ALOX5: variants seen among roughly 807,000 people sequenced by gnomAD.
ALOX5 encodes polyunsaturated fatty acid 5-lipoxygenase.
ALOX5 carries 64 observed loss-of-function variants against 87.9 expected under a neutral mutation model. The observed-to-expected ratio is 0.73, with a 90% CI of 0.60 to 0.90. The LOEUF (loss-of-function observed/expected upper bound fraction) is 0.90. ALOX5 is among the 40% of genes least tolerant of loss of function. The pLI is 0.00. For synonymous variants in ALOX5, 388 were observed against 355.1 expected (o/e 1.09, Z -1.04); for missense variants, 822 against 907.5 (o/e 0.91, Z 1.21).
intron 2 of ALOX5, among the ~76,000 whole-genome samples, chr10:45,388,777 C>CA (rs1416304343): frequency 6.6e-6 from 1 of 152,228 alleles, no homozygotes; most frequent in Non-Finnish European, 1.5e-5. Context: ...TTCTACAAAT[C>CA]AGAGTGCCTC....
In ALOX5 at chr10:45,443,253, C is replaced by A. The variant is rs527521483; in HGVS notation, c.1451+37C>A. 1.9e-6 allele frequency: 3 copies of A among 1,600,040 alleles called. No homozygotes were observed. In the South Asian group the frequency reaches 3.4e-5, roughly 18 times the overall value. On this transcript the variant is annotated intron_variant, in intron 10 of 13. Coordinates refer to ENST00000374391, the MANE Select transcript of ALOX5 (RefSeq NM_000698.5). ...CGGGGCGGTGGTCCTGGGGGAGGAG[C>A]CGGGACCCCTGCCTGACTACCTGGG...
intron 1 of ALOX5, among the ~76,000 whole-genome samples, chr10:45,379,313 A>G (rs1378145654): frequency 6.6e-6 from 1 of 151,958 alleles, no homozygotes; most frequent in Non-Finnish European, 1.5e-5. Flanking sequence ...GAGCCATAGG[A>G]AAGCTACTTC....
At chr10:45,382,026 A>C (rs1839848170) in intron 1 of ALOX5, among the ~76,000 whole-genome samples, 1 of 152,266 alleles carries the variant, frequency 6.6e-6, no homozygotes, top group Non-Finnish European at 1.5e-5. Context: ...TGTACGTGGC[A>C]TGGGAGCCCT....
intron 7 of ALOX5, among the ~76,000 whole-genome samples, chr10:45,435,000 C>A (rs1842018289): frequency 6.6e-6 from 1 of 152,128 alleles, no homozygotes; most frequent in African/African-American, 2.4e-5. Flanking sequence ...ACTTCCTTAC[C>A]CAAAAAACAA....
At chr10:45,390,035 G>A (rs899933575) in intron 2 of ALOX5, among the ~76,000 whole-genome samples, 3 of 152,180 alleles carry the variant, frequency 2.0e-5, no homozygotes, top group African/African-American at 7.2e-5. Flanking sequence ...GGCAGGGGTT[G>A]CAATCCTAGT....
chr10:45,392,101 G>A (rs544317328), intron 2 of ALOX5, among the ~76,000 whole-genome samples: 22 of 151,176 alleles, frequency 1.5e-4, no homozygotes, highest in Non-Finnish European at 2.4e-4. Context: ...TCAGCCCCCC[G>A]CCCGGCCAGC....
intron 7 of ALOX5, among the ~76,000 whole-genome samples, chr10:45,434,934 C>T (rs959946735): frequency 1.3e-5 from 2 of 152,248 alleles, no homozygotes; most frequent in Non-Finnish European, 2.9e-5. Context: ...CCTGTCATGA[C>T]TCAGATTTCT....
In ALOX5 at chr10:45,395,782, A is replaced by G. The variant is rs891528674; in HGVS notation, c.350-73A>G. On this transcript the variant is annotated intron_variant, in intron 2 of 13. Coordinates refer to ENST00000374391, the MANE Select transcript of ALOX5 (RefSeq NM_000698.5). ...CGGCATGGGCAGGGCATCTGAGGGAAGCCTGAACACTTGGCATTGGGCATT... is the reference window on the plus strand; with the variant it reads ...CGGCATGGGCAGGGCATCTGAGGGAGGCCTGAACACTTGGCATTGGGCATT... 5.8e-6 allele frequency: 8 copies of G among 1,378,588 alleles called. No individual in the cohort carries two copies. In the African/African-American group the frequency reaches 8.6e-5, roughly 15 times the overall value. 85.4% of individuals were successfully genotyped at this position (1,378,588 alleles called of 1,614,324 possible).
chr10:45,377,936 T>C (rs1386902094), intron 1 of ALOX5, among the ~76,000 whole-genome samples: 1 of 152,224 alleles, frequency 6.6e-6, no homozygotes. Context: ...ATCAGCAAAG[T>C]GGCCCCTTGT....
At chr10:45,440,328 G>T in intron 7 of ALOX5, 102 bp from the exon 8 acceptor site, 1 of 1,290,368 alleles carries the variant, frequency 7.7e-7, no homozygotes, top group South Asian at 1.4e-5. Flanking sequence ...CACTGTTAAA[G>T]AAATTCAGAT....
intron 13 of ALOX5, among the ~76,000 whole-genome samples, chr10:45,445,214 C>T (rs1842398440): frequency 6.6e-6 from 1 of 152,248 alleles, no homozygotes; most frequent in South Asian, 2.1e-4. Context: ...CAAACACCAG[C>T]AGCCCCCAGC....
chr10:45,444,662 A>G (rs142196592), intron 13 of ALOX5: 131 of 225,256 alleles, frequency 5.8e-4, no homozygotes, highest in Non-Finnish European at 1.0e-3. Flanking sequence ...TAACCTAACA[A>G]CTGAATCCGG....
chr10:45,428,490 C>G, intron 6 of ALOX5, 128 bp from the exon 7 acceptor site: 1 of 1,192,762 alleles, frequency 8.4e-7, no homozygotes. Context: ...GAGAGAAGTA[C>G]ACATTCTGAG....
rs1840395830 is a variant in ALOX5, at chr10:45,393,853, CA to C, written c.350-2000del. The stretch of plus-strand genomic sequence containing the variant: ...CAAATCAGGAGTGAACTCCCATTCA[CA>C]ATTGCTACAAAGAGAATAAAATACC... On this transcript the variant is annotated intron_variant, in intron 2 of 13. Transcript: ENST00000374391. 2.0e-5 allele frequency among the ~76,000 whole-genome samples: 3 copies of C among 152,290 alleles called. No individual in the cohort carries two copies. The South Asian group carries it at 6.2e-4, about 32-fold the overall frequency.
rs1312171446 is a variant in ALOX5 at position 45,443,138 on chromosome 10, G to A, written c.1373G>A (p.Arg458Gln). Residue 458 changes from arginine (R) to glutamine (Q), a missense_variant, in exon 10 of 14, where the codon CGG (arginine) becomes CAG (glutamine). Arg to Gln is a conservative substitution (Grantham distance 43). Coordinates refer to ENST00000374391, the MANE Select transcript of ALOX5 (RefSeq NM_000698.5). Reference sequence around the variant, plus strand: ...TGCTTTCCCGAGGCCATCAAGGCCCGGGGCATGGAGAGCAAAGAAGACATC... The same window carrying A: ...TGCTTTCCCGAGGCCATCAAGGCCCAGGGCATGGAGAGCAAAGAAGACATC... The part of the protein sequence containing the change: ...SLCFPEAIKA[R>Q]GMESKEDIPY... The A allele has an allele frequency of 4.3e-6, 7 of 1,613,868 alleles. No homozygotes were observed. The highest frequency in any genetic ancestry group is 5.1e-6 in the Non-Finnish European group (6 of 1,179,980).
rs770292749 is a variant in ALOX5 at position 45,443,213 on chromosome 10, G to A, written c.1448G>A (p.Arg483Lys). Residue 483 changes from arginine (R) to lysine (K), a missense_variant, in exon 10 of 14, where the codon AGG (arginine) becomes AAG (lysine). Physicochemically the swap from Arg to Lys is conservative, Grantham distance 26 (BLOSUM62 2). Transcript: ENST00000374391. ...GGGCTCCTGGTGTGGGAAGCCATCA[G>A]GACGTGAGCGCCCGCGGGGCGGTGG... Reference protein sequence around the residue: ...DDGLLVWEAIRTFTAEVVDIY... With the variant: ...DDGLLVWEAIKTFTAEVVDIY... 7 of 1,612,740 alleles carry A rather than the reference G, an allele frequency of 4.3e-6. No individual in the cohort carries two copies. In the East Asian group the frequency reaches 1.3e-4, roughly 31 times the overall value.
At chr10:45,402,482 G>A (rs544852920) in intron 3 of ALOX5, among the ~76,000 whole-genome samples, 11 of 152,310 alleles carry the variant, frequency 7.2e-5, no homozygotes, top group East Asian at 1.9e-4. Context: ...CAGCCAGCAC[G>A]GAGGGCTGAA....
chr10:45,398,867 T>C (rs1840603179), intron 3 of ALOX5, among the ~76,000 whole-genome samples: 1 of 152,214 alleles, frequency 6.6e-6, no homozygotes, highest in Admixed American at 6.5e-5. Context: ...CTGGTGGGAA[T>C]GTAAAATGGC....
intron 1 of ALOX5, among the ~76,000 whole-genome samples, chr10:45,376,461 C>T (rs1452637065): frequency 6.6e-6 from 1 of 152,166 alleles, no homozygotes; most frequent in East Asian, 1.9e-4. Context: ...TTCTCTTGCC[C>T]AGCCCAGAAC....
Sources: gnomAD v4.1 joint callset for allele counts (sites outside exome capture counted in the v4.1 genomes callset) on GRCh38, gnomAD v4.1.1 for gene constraint, MANE v1.5 for transcripts, NCBI Gene and HGNC (gene_info 2026-07-23, HGNC 2026-07-21) for gene names.